The following DMP1 variants were observed in gnomAD, a reference collection of about 807,000 sequenced individuals.
DMP1 encodes dentin matrix acidic phosphoprotein 1.
In DMP1, 20 loss-of-function variants were observed where a neutral mutation model predicts 14.6. That is an observed-to-expected ratio of 1.37 (90% CI 0.96 to 1.99). DMP1 has a LOEUF of 1.99. Among genes scored for constraint, DMP1 ranks in the 30% most tolerant of loss-of-function variants. The probability of loss-of-function intolerance (pLI) is 0.00; values close to 1 mark genes in which losing one functional copy is unlikely to be tolerated. For synonymous variants in DMP1, 197 were observed against 215.3 expected (o/e 0.91, Z 0.75); for missense variants, 567 against 620.5 (o/e 0.91, Z 0.92).
intron 1 of DMP1, among the ~76,000 whole-genome samples, chr4:87,652,719 T>C (rs1279585747): frequency 6.6e-6 from 1 of 152,206 alleles, no homozygotes; most frequent in African/African-American, 2.4e-5. Context: ...CATCCCCAGT[T>C]TTCTAATTAT....
At position 87,660,460 on chromosome 4, in the gene DMP1, C is replaced by A. The variant is rs189022848; in HGVS notation, c.183+982C>A. Among the ~76,000 whole-genome samples, 260 of 152,290 alleles carry A rather than the reference C, an allele frequency of 1.7e-3. 5 individuals carry two copies. The highest frequency in any genetic ancestry group is 0.015 in the Admixed American group (230 of 15,290). On this transcript the variant is annotated intron_variant, in intron 5 of 5. Coordinates refer to ENST00000339673, the MANE Select transcript of DMP1 (RefSeq NM_004407.4). ...TCAGTTCCACCATACTAGCATAAAA[C>A]TCCAGTGCTAGGAAGAGAGGTCAAC...
Position 87,663,731 on chromosome 4 carries a change from A to C in DMP1, c.*411A>C, listed in dbSNP as rs970365295. On this transcript the variant is annotated 3_prime_UTR_variant, in exon 6 of 6. Transcript: ENST00000339673. ...GAAGGACCCACAAAGCTACAGAGTT[A>C]AAGAGGGATATGTATAAGAGAAACA... 3.3e-6 allele frequency: 1 copy of C among 306,160 alleles called. No homozygotes were observed. The highest frequency in any genetic ancestry group is 2.2e-5 in the African/African-American group (1 of 45,956). The allele number at this position is 306,160 out of a possible 1,614,324, so 19.0% of individuals were successfully genotyped here.
Position 87,662,816 on chromosome 4 carries a change from G to C in DMP1, c.1038G>C (p.Leu346=). The C allele has an allele frequency of 6.2e-7, 1 of 1,612,626 alleles. No homozygotes were observed. Among genetic ancestry groups the C allele is most frequent in the South Asian group, 1.1e-5 (1 of 91,046 alleles). Residue 346 remains leucine (L), a synonymous_variant, in exon 6 of 6, where the codon CTG becomes CTC. Transcript: ENST00000339673. ...GTGAGTCCAGCCAAGAGGCCAACCT[G>C]TCATCTCAAGAGAACAGCAGTGAGT... ...PSSESSQEAN[L]SSQENSSESQ...
chr4:87,653,386 G>GATATATATATAT (rs57266829), intron 1 of DMP1, among the ~76,000 whole-genome samples: 34 of 57,764 alleles, frequency 5.9e-4, no homozygotes, highest in South Asian at 9.5e-4. Context: ...ATTATCGAGT[G>GATATATATATAT]ATATATATAT....
At chr4:87,655,172 A>G (rs754738495) in intron 1 of DMP1, among the ~76,000 whole-genome samples, 36 of 152,358 alleles carry the variant, frequency 2.4e-4, no homozygotes, top group Non-Finnish European at 4.9e-4. Context: ...CAAACGTGAA[A>G]TAAACTTGCA....
intron 1 of DMP1, among the ~76,000 whole-genome samples, chr4:87,652,310 T>C (rs1312377190): frequency 6.6e-6 from 1 of 152,194 alleles, no homozygotes; most frequent in East Asian, 1.9e-4. Context: ...TACTCTTTTT[T>C]GAATAGTAGC....
At chr4:87,653,386 G>GATAT (rs57266829) in intron 1 of DMP1, among the ~76,000 whole-genome samples, 820 of 57,664 alleles carry the variant, frequency 0.014, 27 homozygotes, top group Non-Finnish European at 0.018. Flanking sequence ...ATTATCGAGT[G>GATAT]ATATATATAT....
In DMP1 at chr4:87,656,160, A is replaced by G. The variant is rs554712900; in HGVS notation, c.-21-312A>G. On this transcript the variant is annotated intron_variant, in intron 1 of 5. Coordinates refer to ENST00000339673, the MANE Select transcript of DMP1 (RefSeq NM_004407.4). ...ACAAGCTCTGGGCAACCACTAGTCT[A>G]CTTTTTGTCTCTGTAGATTTGCCTA... Among the ~76,000 whole-genome samples, 15 of 152,236 alleles carry G rather than the reference A, an allele frequency of 9.9e-5. No homozygotes were observed. The South Asian group carries it at 3.1e-3, about 32-fold the overall frequency.
At chr4:87,656,655 T>C (rs925803091) in intron 2 of DMP1, 109 bp downstream of exon 2, 4 of 806,012 alleles carry the variant, frequency 5.0e-6, no homozygotes, top group Non-Finnish European at 8.9e-6. Context: ...CCAGTAAAAA[T>C]AGTAGTTTCT....
chr4:87,661,600 C>T (rs1330274663), intron 5 of DMP1, among the ~76,000 whole-genome samples: 2 of 151,040 alleles, frequency 1.3e-5, no homozygotes, highest in African/African-American at 4.9e-5. Context: ...ACCTCGGCCT[C>T]CTAAAGTGCT....
rs781781034 is a variant in DMP1, at chr4:87,662,931, G to A, written c.1153G>A (p.Glu385Lys). ...AGACCAGGAAGACAGTGACTCCAGC[G>A]AGGAGGACAGCTCGCACACACTCTC... ...VEDQEDSDSS[E>K]EDSSHTLSHS... The change falls in exon 6 of 6, where the codon GAG (glutamate) becomes AAG (lysine). Residue 385 changes from glutamate (E) to lysine (K), a missense_variant. Glu to Lys is a moderately conservative substitution (Grantham distance 56). Transcript: ENST00000339673. The A allele has an allele frequency of 1.2e-5, 20 of 1,613,930 alleles. No homozygotes were observed. The East Asian group carries it at 1.8e-4, about 14-fold the overall frequency.
intron 2 of DMP1, 69 bp from the exon 3 acceptor site, chr4:87,656,963 T>C (rs1033136682): frequency 4.0e-5 from 39 of 972,896 alleles, no homozygotes; most frequent in Non-Finnish European, 6.0e-5. Flanking sequence ...CTCCTATGTA[T>C]GAAATGTGTT....
chr4:87,653,386 G>GATATATATATATATATATATAT (rs57266829), intron 1 of DMP1, among the ~76,000 whole-genome samples: 1 of 57,728 alleles, frequency 1.7e-5, no homozygotes, highest in Non-Finnish European at 3.6e-5. Flanking sequence ...ATTATCGAGT[G>GATATATATATATATATATATAT]ATATATATAT....
At chr4:87,659,790 A>G (rs1020379391) in intron 5 of DMP1, among the ~76,000 whole-genome samples, 4 of 152,188 alleles carry the variant, frequency 2.6e-5, no homozygotes, top group African/African-American at 9.7e-5. Flanking sequence ...GACCATGTCA[A>G]ACTTGCTCAT....
intron 1 of DMP1, among the ~76,000 whole-genome samples, chr4:87,652,830 T>C (rs1414832463): frequency 1.3e-5 from 2 of 152,342 alleles, no homozygotes; most frequent in African/African-American, 4.8e-5. Context: ...CATGAAATTA[T>C]AACCCTATTC....
At chr4:87,660,096 A>G (rs1728817335) in intron 5 of DMP1, among the ~76,000 whole-genome samples, 1 of 152,142 alleles carries the variant, frequency 6.6e-6, no homozygotes, top group African/African-American at 2.4e-5. Flanking sequence ...GTTTTGACCA[A>G]ACTCAATCCT....
At chr4:87,655,730 C>T (rs1215366964) in intron 1 of DMP1, among the ~76,000 whole-genome samples, 2 of 151,898 alleles carry the variant, frequency 1.3e-5, no homozygotes, top group Admixed American at 1.3e-4. Flanking sequence ...AAATGCCCAC[C>T]ACCTATCACT....
In DMP1 at chr4:87,662,565, C is replaced by G. The variant is rs571820459; in HGVS notation, c.787C>G (p.Pro263Ala). ...AGGTGGCAGCCAATTGCTGGAGCAT[C>G]CCAGTAGGAAAATTTTTAGGAAGTC... is the stretch of plus-strand genomic sequence containing the variant. ...DSGGSQLLEHPSRKIFRKSRI... is the reference protein window; with the variant it reads ...DSGGSQLLEHASRKIFRKSRI... Residue 263 changes from proline to alanine, a missense_variant, in exon 6 of 6, where the codon CCC becomes GCC. Coordinates refer to ENST00000339673, the MANE Select transcript of DMP1 (RefSeq NM_004407.4). 1.5e-5 allele frequency: 24 copies of G among 1,614,036 alleles called. No homozygotes were observed. The Admixed American group carries it at 3.5e-4, about 24-fold the overall frequency.
intron 5 of DMP1, among the ~76,000 whole-genome samples, chr4:87,661,606 G>C (rs1247565313): frequency 6.7e-6 from 1 of 149,992 alleles, no homozygotes; most frequent in Non-Finnish European, 1.5e-5. Context: ...GCCTCCTAAA[G>C]TGCTGGGTTA....
Sources: gnomAD v4.1 joint callset for allele counts (sites outside exome capture counted in the v4.1 genomes callset) on GRCh38, gnomAD v4.1.1 for gene constraint, MANE v1.5 for transcripts, NCBI Gene and HGNC (gene_info 2026-07-23, HGNC 2026-07-21) for gene names.